Variants in CLIC4 observed in about 807,000 individuals in gnomAD.
CLIC4 encodes the protein chloride intracellular channel protein 4.
Under a neutral mutation model 24.6 loss-of-function variants are expected in CLIC4, and 13 were observed. The ratio of observed to expected loss-of-function variants is 0.53; its 90% CI spans 0.34 to 0.84. The LOEUF is 0.84. Ranked by LOEUF, CLIC4 falls within the 40% of genes least tolerant of loss-of-function variation. CLIC4 has a pLI of 0.01. For missense variants in CLIC4, 227 were observed against 301.7 expected (o/e 0.75, Z 1.83); for synonymous variants, 104 against 111.3 (o/e 0.93, Z 0.41).
chr1:24,837,146 T>C (rs192562296), intron 4 of CLIC4, among the ~76,000 whole-genome samples: 10 of 151,770 alleles, frequency 6.6e-5, no homozygotes, highest in African/African-American at 2.4e-4. Context: ...CTTTGCAAAG[T>C]CTAACAAATA....
chr1:24,761,447 G>A (rs1249489530), intron 1 of CLIC4, among the ~76,000 whole-genome samples: 9 of 152,224 alleles, frequency 5.9e-5, no homozygotes, highest in East Asian at 1.9e-4. Context: ...GGGGAAAAGC[G>A]TTCTAGGTTG....
At chr1:24,799,373 G>A (rs188656926) in intron 2 of CLIC4, among the ~76,000 whole-genome samples, 2,221 of 151,146 alleles carry the variant, frequency 0.015, 68 homozygotes, top group African/African-American at 0.052. Context: ...GTCTCTGTCC[G>A]GCCGCCCCGT....
chr1:24,827,072 A>G lies in CLIC4; in HGVS notation c.371A>G (p.Lys124Arg). ...ACTGCTGGAATGGACATCTTTGCCA[A>G]ATTCTCTGCATATATCAAGAATTCA... ...SNTAGMDIFA[K>R]FSAYIKNSRP... Residue 124 changes from lysine (K) to arginine (R), a missense_variant, in exon 4 of 6, where the codon AAA becomes AGA. Transcript: ENST00000374379. 1 of 1,611,784 alleles carries G rather than the reference A, an allele frequency of 6.2e-7. No homozygotes were observed. The highest frequency in any genetic ancestry group is 1.1e-5 in the South Asian group (1 of 90,542).
chr1:24,757,469 G>C (rs1343626276), intron 1 of CLIC4, among the ~76,000 whole-genome samples: 1 of 152,142 alleles, frequency 6.6e-6, no homozygotes, highest in Non-Finnish European at 1.5e-5. Flanking sequence ...ACCAGGCGTG[G>C]TGGCACATGC....
intron 2 of CLIC4, among the ~76,000 whole-genome samples, chr1:24,811,513 C>T (rs1346604741): frequency 6.6e-6 from 1 of 151,802 alleles, no homozygotes; most frequent in African/African-American, 2.4e-5. Flanking sequence ...CACTCTGTTG[C>T]CCAGGCTGAA....
intron 1 of CLIC4, among the ~76,000 whole-genome samples, chr1:24,775,531 T>C (rs1387022363): frequency 6.6e-6 from 1 of 151,598 alleles, no homozygotes; most frequent in Non-Finnish European, 1.5e-5. Flanking sequence ...CTTCTCTCTC[T>C]CTTTTCTTTC....
At chr1:24,764,914 A>T (rs1205260438) in intron 1 of CLIC4, among the ~76,000 whole-genome samples, 1 of 152,196 alleles carries the variant, frequency 6.6e-6, no homozygotes, top group Non-Finnish European at 1.5e-5. Context: ...TTCATTAAAC[A>T]TGTCTTTACT....
intron 3 of CLIC4, among the ~76,000 whole-genome samples, chr1:24,825,041 A>ACACACACAC (rs1557813792): frequency 8.5e-6 from 1 of 117,572 alleles, no homozygotes; most frequent in Non-Finnish European, 1.9e-5. Flanking sequence ...CACACACACA[A>ACACACACAC]AAGTACAAAA....
chr1:24,798,135 T>A (rs1369630185), intron 2 of CLIC4, among the ~76,000 whole-genome samples: 1 of 152,190 alleles, frequency 6.6e-6, no homozygotes, highest in Non-Finnish European at 1.5e-5. Flanking sequence ...ATCCTTGACT[T>A]CTTTTTTCCA....
intron 1 of CLIC4, among the ~76,000 whole-genome samples, chr1:24,757,949 G>A (rs1638871952): frequency 6.6e-6 from 1 of 151,650 alleles, no homozygotes; most frequent in African/African-American, 2.4e-5. Flanking sequence ...TATAGAGATG[G>A]GGTTTCTCAG....
intron 1 of CLIC4, among the ~76,000 whole-genome samples, chr1:24,768,932 A>G (rs1215519532): frequency 2.0e-5 from 3 of 151,470 alleles, no homozygotes; most frequent in Non-Finnish European, 2.9e-5. Context: ...AAAAAGAAAG[A>G]AAACTTTAGC....
At chr1:24,750,362 C>T (rs184689617) in intron 1 of CLIC4, among the ~76,000 whole-genome samples, 11 of 151,820 alleles carry the variant, frequency 7.2e-5, no homozygotes, top group African/African-American at 1.9e-4. Flanking sequence ...CCAACAGATA[C>T]GGTATATTTG....
chr1:24,840,077 C>T (rs1170865194), intron 5 of CLIC4, 36 bp downstream of exon 5: 1 of 1,572,764 alleles, frequency 6.4e-7, no homozygotes, highest in East Asian at 2.2e-5. Flanking sequence ...ATTGCCATTA[C>T]CTTGTATTGT....
rs372115153 is a variant in CLIC4, at chr1:24,797,864, C to T, written c.182+13C>T. The T allele has an allele frequency of 7.6e-6, 12 of 1,569,824 alleles. No individual in the cohort carries two copies. Among genetic ancestry groups the T allele is most frequent in the Middle Eastern group, 1.7e-4 (1 of 6,008 alleles). ...TTGACCTGAAAAGGTAAGACATGGT[C>T]GCAGTTTGCAATCAACTTAAGCTGA... On this transcript the variant is annotated intron_variant, in intron 2 of 5. Coordinates refer to ENST00000374379, the MANE Select transcript of CLIC4 (RefSeq NM_013943.3).
intron 4 of CLIC4, among the ~76,000 whole-genome samples, chr1:24,830,236 A>G (rs1345878290): frequency 6.6e-6 from 1 of 152,184 alleles, no homozygotes; most frequent in Non-Finnish European, 1.5e-5. Flanking sequence ...GACCTCTTCA[A>G]CAATTTAGTG....
intron 3 of CLIC4, among the ~76,000 whole-genome samples, chr1:24,816,806 TC>T (rs1037956801): frequency 2.4e-4 from 37 of 152,272 alleles, no homozygotes; most frequent in African/African-American, 8.9e-4. Flanking sequence ...TAGAAAGGAA[TC>T]TTTTTTTCCT....
chr1:24,764,459 GC>G (rs1638968166), intron 1 of CLIC4, among the ~76,000 whole-genome samples: 1 of 151,850 alleles, frequency 6.6e-6, no homozygotes, highest in South Asian at 2.1e-4. Flanking sequence ...TGCATGACCA[GC>G]CTGGACAACA....
chr1:24,797,827 G>A lies in CLIC4; in HGVS notation c.158G>A (p.Ser53Asn). The change falls in exon 2 of 6, where the codon AGT (serine) becomes AAT (asparagine). Residue 53 changes from serine (S) to asparagine (N), a missense_variant. By Grantham distance (46) the Ser-to-Asn change is conservative (BLOSUM62 1). Transcript: ENST00000374379. ...CTTTGGCTCAAAGGAGTTGTATTTA[G>A]TGTGACGACTGTTGACCTGAAAAGG... ...MILWLKGVVF[S>N]VTTVDLKRKP... 1 of 1,613,026 alleles carries A rather than the reference G, an allele frequency of 6.2e-7. No individual in the cohort carries two copies. Among genetic ancestry groups the A allele is most frequent in the Non-Finnish European group, 8.5e-7 (1 of 1,179,572 alleles).
chr1:24,745,769 T>G (rs1237982785), intron 1 of CLIC4, 144 bp downstream of exon 1: 3 of 562,714 alleles, frequency 5.3e-6, no homozygotes, highest in Non-Finnish European at 8.3e-6. Flanking sequence ...CCCGGCCCAT[T>G]GTCTGGGGGC....
Sources: allele counts gnomAD v4.1 joint callset (sites outside exome capture counted in the v4.1 genomes callset), GRCh38; gene constraint gnomAD v4.1.1; transcripts MANE v1.5; gene names NCBI Gene and HGNC (gene_info 2026-07-23, HGNC 2026-07-21).